TBC1D32: variants seen among roughly 807,000 people sequenced by gnomAD.
TBC1D32 encodes the protein protein broad-minded.
Under a neutral mutation model 170.3 loss-of-function variants are expected in TBC1D32, and 151 were observed. The observed-to-expected ratio is 0.89, with a 90% CI of 0.78 to 1.01. The LOEUF (loss-of-function observed/expected upper bound fraction) is 1.01. Among genes scored for constraint, TBC1D32 ranks in the 50% least tolerant of loss-of-function variants. The probability of loss-of-function intolerance (pLI) is 0.00; values close to 1 mark genes in which losing one functional copy is unlikely to be tolerated. For missense variants in TBC1D32, 1,464 were observed against 1,457.1 expected, an observed-to-expected ratio of 1.00 and a Z score of -0.08; for synonymous variants, 498 against 488.0, an observed-to-expected ratio of 1.02 and a Z score of -0.27.
intron 17 of TBC1D32, among the ~76,000 whole-genome samples, chr6:121,254,765 G>A (rs1798750425): frequency 6.6e-6 from 1 of 151,920 alleles, no homozygotes; most frequent in Non-Finnish European, 1.5e-5. Context: ...AATAAGAACA[G>A]AACCCAGAAA....
intron 24 of TBC1D32, among the ~76,000 whole-genome samples, chr6:121,145,166 T>C (rs1783266199): frequency 6.6e-6 from 1 of 152,046 alleles, no homozygotes; most frequent in Non-Finnish European, 1.5e-5. Context: ...GAGGGGAAAG[T>C]AGTCCAAGAG....
rs1230831149 is a variant in TBC1D32 at position 121,234,638 on chromosome 6, C to CT, written c.2364+4431dup. On this transcript the variant is annotated intron_variant, in intron 20 of 31. Coordinates refer to ENST00000398212, the MANE Select transcript of TBC1D32 (RefSeq NM_152730.6). ...ATATCCTGTATCATGTTTTTTATTT[C>CT]TTTAAGTTGGACTTCATCTTTCTCT... 8.6e-5 allele frequency among the ~76,000 whole-genome samples: 13 copies of CT among 151,940 alleles called. No homozygotes were observed. In the South Asian group the frequency reaches 2.5e-3, roughly 29 times the overall value.
At chr6:121,158,855 T>C (rs1161598362) in intron 24 of TBC1D32, among the ~76,000 whole-genome samples, 2 of 152,162 alleles carry the variant, frequency 1.3e-5, no homozygotes, top group African/African-American at 4.8e-5. Context: ...TAGAATTCTC[T>C]AGCCTAAAAA....
chr6:121,168,717 A>AAAAG (rs1786491508), intron 22 of TBC1D32, among the ~76,000 whole-genome samples: 1 of 99,162 alleles, frequency 1.0e-5, no homozygotes, highest in Non-Finnish European at 1.9e-5. Flanking sequence ...TATAATAAAA[A>AAAAG]AAAAAAAAAA....
chr6:121,162,711 C>A (rs1167400707), intron 22 of TBC1D32, among the ~76,000 whole-genome samples: 1 of 152,072 alleles, frequency 6.6e-6, no homozygotes, highest in Non-Finnish European at 1.5e-5. Context: ...ACAAAATCAA[C>A]ATGCAGAGCC....
chr6:121,296,716 T>C (rs1805695617), intron 10 of TBC1D32, among the ~76,000 whole-genome samples: 2 of 152,094 alleles, frequency 1.3e-5, no homozygotes, highest in Non-Finnish European at 2.9e-5. Context: ...GCTTCAATAC[T>C]TCTCCTTTGA....
chr6:121,112,630 C>A lies in TBC1D32; in HGVS notation c.3199G>T (p.Asp1067Tyr). ...LCLQGNYAGH[D>Y]WFVSSLFMIM... ...ATGAACAGAGAAGATACAAACCAGTCATGGCCAGCATAATTCCCTTGCAGG... is the reference window on the plus strand; with the variant it reads ...ATGAACAGAGAAGATACAAACCAGTAATGGCCAGCATAATTCCCTTGCAGG... Residue 1067 changes from aspartate (D) to tyrosine (Y), a missense_variant, in exon 29 of 32, where the codon GAC (aspartate) becomes TAC (tyrosine). Asp to Tyr is a radical substitution (Grantham distance 160). This residue lies in a region of TBC1D32 where 1,363 missense variants were observed against 1,338.1 expected (regional missense o/e 1.02). Coordinates refer to ENST00000398212, the MANE Select transcript of TBC1D32 (RefSeq NM_152730.6). The A allele has an allele frequency of 6.3e-7, 1 of 1,596,394 alleles. No homozygotes were observed. Among genetic ancestry groups the A allele is most frequent in the South Asian group, 1.2e-5 (1 of 86,906 alleles).
At chr6:121,155,270 T>C (rs147449616) in intron 24 of TBC1D32, among the ~76,000 whole-genome samples, 88 of 152,228 alleles carry the variant, frequency 5.8e-4, no homozygotes, top group African/African-American at 2.0e-3. Context: ...TGTGTGGCTA[T>C]AGCAAATGGG....
chr6:121,138,745 T>C (rs1419675180), intron 24 of TBC1D32, among the ~76,000 whole-genome samples: 3 of 152,202 alleles, frequency 2.0e-5, no homozygotes, highest in African/African-American at 7.2e-5. Flanking sequence ...AAAGTATTTA[T>C]AGACTATATG....
chr6:121,209,503 G>C (rs1418839627), intron 21 of TBC1D32, among the ~76,000 whole-genome samples: 2 of 151,942 alleles, frequency 1.3e-5, no homozygotes. Flanking sequence ...CCCATCCCTA[G>C]CCACCACCAT....
intron 15 of TBC1D32, among the ~76,000 whole-genome samples, chr6:121,266,551 C>T (rs939062550): frequency 6.6e-6 from 1 of 152,102 alleles, no homozygotes; most frequent in Non-Finnish European, 1.5e-5. Flanking sequence ...AGTCAGCAAT[C>T]CCACTACTGG....
intron 24 of TBC1D32, among the ~76,000 whole-genome samples, chr6:121,155,703 TTTTTATCATGAAGAGATGTTGGA>T (rs1399453016): frequency 6.6e-6 from 1 of 152,100 alleles, no homozygotes; most frequent in African/African-American, 2.4e-5. Context: ...CTATTGAGGG[TTTTTATCATGAAGAGATGTTGGA>T]TTTTACTGAG....
At chr6:121,259,743 A>G (rs1193129445) in intron 15 of TBC1D32, among the ~76,000 whole-genome samples, 1 of 152,158 alleles carries the variant, frequency 6.6e-6, no homozygotes, top group Non-Finnish European at 1.5e-5. Flanking sequence ...ATTTTATAGA[A>G]CCTCTCAAAA....
chr6:121,204,631 T>TA (rs1414485982), intron 22 of TBC1D32, among the ~76,000 whole-genome samples: 38 of 151,448 alleles, frequency 2.5e-4, no homozygotes, highest in Non-Finnish European at 4.9e-4. Flanking sequence ...TGAACTCAAC[T>TA]AGAAAGATTT....
intron 17 of TBC1D32, among the ~76,000 whole-genome samples, chr6:121,250,607 A>G (rs190797130): frequency 1.3e-5 from 2 of 152,296 alleles, no homozygotes; most frequent in Non-Finnish European, 2.9e-5. Context: ...AGAGCTATGT[A>G]TGATAAACTT....
intron 22 of TBC1D32, among the ~76,000 whole-genome samples, chr6:121,181,422 A>T (rs1788493887): frequency 6.6e-6 from 1 of 152,016 alleles, no homozygotes; most frequent in Admixed American, 6.6e-5. Flanking sequence ...TGCTCCAGCC[A>T]TGTAAGATGT....
At chr6:121,199,390 CA>C (rs201808915) in intron 22 of TBC1D32, among the ~76,000 whole-genome samples, 34 of 148,966 alleles carry the variant, frequency 2.3e-4, no homozygotes, top group African/African-American at 7.5e-4. Flanking sequence ...TCCTATTTTT[CA>C]AAAAAAAATC....
chr6:121,100,993 T>C (rs944569502), intron 30 of TBC1D32, among the ~76,000 whole-genome samples: 4 of 151,938 alleles, frequency 2.6e-5, no homozygotes, highest in African/African-American at 9.7e-5. Context: ...CTAGAAGAAA[T>C]GGATAAATTC....
chr6:121,239,060 A>G lies in TBC1D32; in HGVS notation c.2364+10T>C. On this transcript the variant is annotated intron_variant, in intron 20 of 31. Coordinates refer to ENST00000398212, the MANE Select transcript of TBC1D32 (RefSeq NM_152730.6). ...CAAATCTGTGTATTATTAGTCAAAT[A>G]ACTTCTTACCTTTTGACAGCTTCGG... 6.7e-7 allele frequency: 1 copy of G among 1,486,898 alleles called. No homozygotes were observed. The highest frequency in any genetic ancestry group is 9.3e-7 in the Non-Finnish European group (1 of 1,074,544). 92.1% of individuals were successfully genotyped at this position (1,486,898 alleles called of 1,614,324 possible). A position where few individuals can be genotyped will look rare whatever the true frequency, so the allele number is the denominator to read the frequency against.
Sources: gnomAD v4.1 joint callset for allele counts (sites outside exome capture counted in the v4.1 genomes callset) on GRCh38, gnomAD v4.1.1 for gene constraint, gnomAD v4.1.1 regional missense constraint, MANE v1.5 for transcripts, NCBI Gene and HGNC (gene_info 2026-07-23, HGNC 2026-07-21) for gene names.